Variants in ZFAND3 observed in about 807,000 individuals in gnomAD.
ZFAND3 encodes AN1-type zinc finger protein 3.
A neutral mutation model predicts 29.6 loss-of-function variants in ZFAND3; 10 were observed. The ratio of observed to expected loss-of-function variants is 0.34; its 90% CI spans 0.21 to 0.57. ZFAND3 has a LOEUF of 0.57. ZFAND3 is among the 20% of genes least tolerant of loss of function. The pLI is 0.86. For synonymous variants in ZFAND3, 128 were observed against 112.6 expected (o/e 1.14, Z -0.87); for missense variants, 230 against 304.5 (o/e 0.76, Z 1.82).
chr6:38,044,882 T>C (rs1763865692), intron 2 of ZFAND3, among the ~76,000 whole-genome samples: 1 of 152,102 alleles, frequency 6.6e-6, no homozygotes, highest in Admixed American at 6.6e-5. Context: ...TATAAAGTGT[T>C]AAGGAAATTG....
intron 2 of ZFAND3, among the ~76,000 whole-genome samples, chr6:38,058,420 T>C (rs1160061199): frequency 6.6e-6 from 1 of 152,274 alleles, no homozygotes; most frequent in African/African-American, 2.4e-5. Flanking sequence ...TCCATTGATA[T>C]AGTACCTGTT....
At chr6:37,912,359 A>G (rs893352134) in intron 1 of ZFAND3, among the ~76,000 whole-genome samples, 6 of 152,202 alleles carry the variant, frequency 3.9e-5, no homozygotes, top group African/African-American at 1.4e-4. Context: ...AGAAAACTTG[A>G]TTAAATTTCA....
intron 5 of ZFAND3, among the ~76,000 whole-genome samples, chr6:38,145,032 G>A (rs891654009): frequency 7.9e-5 from 12 of 152,176 alleles, no homozygotes; most frequent in African/African-American, 2.9e-4. Context: ...AATTCTTAGG[G>A]ATTGGAGGGA....
intron 1 of ZFAND3, among the ~76,000 whole-genome samples, chr6:37,885,226 A>T (rs1420877622): frequency 6.6e-6 from 1 of 152,236 alleles, no homozygotes; most frequent in Non-Finnish European, 1.5e-5. Flanking sequence ...GTTGAAGGAT[A>T]CTAAAGGTCT....
intron 2 of ZFAND3, among the ~76,000 whole-genome samples, chr6:38,020,536 A>G (rs1378690487): frequency 3.3e-5 from 5 of 152,224 alleles, no homozygotes; most frequent in Admixed American, 3.3e-4. Context: ...CAAAGAGGAG[A>G]CAACTGCTGG....
At chr6:38,084,453 G>T (rs1236606317) in intron 4 of ZFAND3, among the ~76,000 whole-genome samples, 1 of 152,160 alleles carries the variant, frequency 6.6e-6, no homozygotes, top group Non-Finnish European at 1.5e-5. Flanking sequence ...TCAATTACTG[G>T]TAGTTTCCAT....
intron 1 of ZFAND3, among the ~76,000 whole-genome samples, chr6:37,896,682 CTGTGTGTGTG>C (rs35744542): frequency 7.0e-5 from 10 of 142,370 alleles, no homozygotes; most frequent in Non-Finnish European, 1.4e-4. Flanking sequence ...GTGTGTGTGT[CTGTGTGTGTG>C]TGTGTGTTTT....
At chr6:38,082,488 C>T (rs1413410738) in intron 4 of ZFAND3, 31 bp downstream of exon 4, 4 of 1,591,204 alleles carry the variant, frequency 2.5e-6, no homozygotes, top group African/African-American at 2.7e-5. Flanking sequence ...TGAATTCATC[C>T]TTATTTGAAT....
intron 5 of ZFAND3, among the ~76,000 whole-genome samples, chr6:38,147,514 G>T (rs1766134779): frequency 6.6e-6 from 1 of 152,202 alleles, no homozygotes; most frequent in Admixed American, 6.5e-5. Flanking sequence ...CCTGTGGTGG[G>T]ATTGCTGGAT....
chr6:37,847,496 C>A (rs920136722), intron 1 of ZFAND3, among the ~76,000 whole-genome samples: 2 of 152,148 alleles, frequency 1.3e-5, no homozygotes, highest in African/African-American at 4.8e-5. Flanking sequence ...ATCGCTTGAA[C>A]CCAGGAGGTA....
At chr6:37,868,238 G>A (rs141744157) in intron 1 of ZFAND3, among the ~76,000 whole-genome samples, 137 of 152,296 alleles carry the variant, frequency 9.0e-4, no homozygotes, top group African/African-American at 2.9e-3. Context: ...TCCCTGCCCT[G>A]TAGGAGTGAT....
In ZFAND3 at chr6:38,152,343, G is replaced by A; in HGVS notation, c.638G>A (p.Arg213Gln). Reference protein sequence around the residue: ...EAIMKMVKLDRKVGRSCQRIG... With the variant: ...EAIMKMVKLDQKVGRSCQRIG... ...ATCATGAAAATGGTGAAGCTGGACC[G>A]GAAAGTGGGGCGCTCCTGCCAGCGC... The change falls in exon 6 of 6, where the codon CGG becomes CAG. Residue 213 changes from arginine (R) to glutamine (Q), a missense_variant. Physicochemically the swap from Arg to Gln is conservative, Grantham distance 43. This residue lies in a region of ZFAND3 where 50 missense variants were observed against 102.0 expected (regional missense o/e 0.49). Coordinates refer to ENST00000287218, the MANE Select transcript of ZFAND3 (RefSeq NM_021943.3). The A allele has an allele frequency of 6.2e-7, 1 of 1,609,376 alleles. No homozygotes were observed. Among genetic ancestry groups the A allele is most frequent in the Non-Finnish European group, 8.5e-7 (1 of 1,178,048 alleles).
intron 3 of ZFAND3, among the ~76,000 whole-genome samples, chr6:38,072,708 AAT>A (rs1203365328): frequency 5.9e-5 from 9 of 152,248 alleles, no homozygotes; most frequent in Non-Finnish European, 5.9e-5. Flanking sequence ...AGCTTACATA[AAT>A]ATATTTTAAT....
At chr6:38,120,028 AAGGCATGTGGTTGCG>A (rs1395548371) in intron 5 of ZFAND3, among the ~76,000 whole-genome samples, 1 of 152,184 alleles carries the variant, frequency 6.6e-6, no homozygotes, top group Non-Finnish European at 1.5e-5. Context: ...CCAATTAGAA[AAGGCATGTGGTTGCG>A]AGGCTGGGAT....
At chr6:38,100,145 C>T (rs1765064285) in intron 4 of ZFAND3, among the ~76,000 whole-genome samples, 2 of 151,990 alleles carry the variant, frequency 1.3e-5, no homozygotes. Context: ...CTCACTGCAA[C>T]CTCCGCCTCC....
In ZFAND3 at chr6:38,105,319, C is replaced by T. The variant is rs1885326; in HGVS notation, c.362-11253C>T. 0.017 allele frequency among the ~76,000 whole-genome samples: 2,535 copies of T among 152,104 alleles called. 250 individuals are homozygous for T. In the East Asian group the frequency reaches 0.28, roughly 17 times the overall value. On this transcript the variant is annotated intron_variant, in intron 4 of 5. Coordinates refer to ENST00000287218, the MANE Select transcript of ZFAND3 (RefSeq NM_021943.3). ...CTACTCCAGAAGCTGAGGGGAGGATCGCTTGAGCCCAGGAGTTTGAGGCTG... is the reference window on the plus strand; with the variant it reads ...CTACTCCAGAAGCTGAGGGGAGGATTGCTTGAGCCCAGGAGTTTGAGGCTG...
intron 2 of ZFAND3, among the ~76,000 whole-genome samples, chr6:38,022,206 C>T (rs1265436861): frequency 1.3e-5 from 2 of 152,156 alleles, no homozygotes; most frequent in East Asian, 3.8e-4. Flanking sequence ...TATTTGAATG[C>T]ACATTAAAAT....
intron 2 of ZFAND3, among the ~76,000 whole-genome samples, chr6:38,049,206 T>C (rs534957673): frequency 6.6e-6 from 1 of 152,288 alleles, no homozygotes; most frequent in South Asian, 2.1e-4. Context: ...AGCCAAAGAC[T>C]TCGCTATAAT....
At chr6:38,132,673 G>GA in intron 5 of ZFAND3, among the ~76,000 whole-genome samples, 1 of 152,158 alleles carries the variant, frequency 6.6e-6, no homozygotes. Context: ...CCCCTAAACT[G>GA]ACGCTGCATA....
Sources: allele counts gnomAD v4.1 joint callset (sites outside exome capture counted in the v4.1 genomes callset), GRCh38; gene constraint gnomAD v4.1.1; regional missense constraint gnomAD v4.1.1; transcripts MANE v1.5; gene names NCBI Gene and HGNC (gene_info 2026-07-23, HGNC 2026-07-21).